Variants in MAST4 observed in about 807,000 individuals in gnomAD.
MAST4 encodes the protein microtubule associated serine/threonine kinase family member 4, also known as microtubule-associated serine/threonine-protein kinase 4.
Under a neutral mutation model 162.7 loss-of-function variants are expected in MAST4, and 89 were observed. The ratio of observed to expected loss-of-function variants is 0.55; its 90% CI spans 0.46 to 0.65. MAST4 has a LOEUF of 0.65. Ranked by LOEUF, MAST4 falls within the 30% of genes least tolerant of loss-of-function variation. The probability of loss-of-function intolerance (pLI) is 0.00; values close to 1 mark genes in which losing one functional copy is unlikely to be tolerated. For missense variants in MAST4, 3,153 were observed against 3,374.0 expected (o/e 0.93, Z 1.62); for synonymous variants, 1,479 against 1,361.1 (o/e 1.09, Z -1.91).
intron 2 of MAST4, among the ~76,000 whole-genome samples, chr5:66,773,000 A>C (rs560957469): frequency 6.6e-6 from 1 of 152,278 alleles, no homozygotes; most frequent in African/African-American, 2.4e-5. Flanking sequence ...CTTTGCCTCT[A>C]TCAGAGCTGC....
intron 3 of MAST4, among the ~76,000 whole-genome samples, chr5:66,889,098 A>G (rs1762217262): frequency 6.6e-6 from 1 of 152,236 alleles, no homozygotes; most frequent in African/African-American, 2.4e-5. Flanking sequence ...TGGACCCAAC[A>G]ATAAGCAATA....
Position 67,145,257 on chromosome 5 carries a change from C to G in MAST4, c.2972C>G (p.Ala991Gly), listed in dbSNP as rs767103845. 1.9e-6 allele frequency: 3 copies of G among 1,613,804 alleles called. No individual in the cohort carries two copies. The African/African-American group carries it at 4.0e-5, about 22-fold the overall frequency. Reference protein sequence around the residue: ...ISTEGEQDEAASCPGDPHEEP... With the variant: ...ISTEGEQDEAGSCPGDPHEEP... The stretch of plus-strand genomic sequence containing the variant: ...ACAGAGGGAGAGCAAGATGAAGCTG[C>G]CTCCTGCCCTGGAGACCCCCATGAG... Residue 991 changes from alanine (A) to glycine (G), a missense_variant, in exon 23 of 29, where the codon GCC becomes GGC. This residue lies in a region of MAST4 where 619 missense variants were observed against 744.2 expected (regional missense o/e 0.83). Transcript: ENST00000403625.
At chr5:66,889,732 C>A (rs149771406) in intron 3 of MAST4, among the ~76,000 whole-genome samples, 1 of 152,308 alleles carries the variant, frequency 6.6e-6, no homozygotes, top group Non-Finnish European at 1.5e-5. Flanking sequence ...ATAGTCATAG[C>A]TAACACGAAG....
At chr5:66,880,431 C>A (rs1367874681) in intron 3 of MAST4, among the ~76,000 whole-genome samples, 1 of 152,082 alleles carries the variant, frequency 6.6e-6, no homozygotes, top group Non-Finnish European at 1.5e-5. Flanking sequence ...AATATATTAA[C>A]CATTCCAAAA....
Position 67,165,595 on chromosome 5 carries a change from C to G in MAST4, c.6416C>G (p.Thr2139Arg). 4 of 1,613,742 alleles carry G rather than the reference C, an allele frequency of 2.5e-6. No homozygotes were observed. The highest frequency in any genetic ancestry group is 2.5e-6 in the Non-Finnish European group (3 of 1,179,786). Residue 2139 changes from threonine to arginine, a missense_variant, in exon 29 of 29, where the codon ACG becomes AGG. Thr to Arg is a moderately conservative substitution (Grantham distance 71). Transcript: ENST00000403625. ...HPSSIPPPPL[T>R]AKDLSSPAAR... is the part of the protein sequence containing the mutation. ...AGCAGCATCCCTCCGCCCCCTCTGA[C>G]GGCCAAAGACCTGTCCAGCCCGGCT...
chr5:67,153,721 A>T, intron 26 of MAST4, 141 bp downstream of exon 26: 1 of 792,888 alleles, frequency 1.3e-6, no homozygotes, highest in Non-Finnish European at 1.8e-6. Flanking sequence ...AAAGACAAAG[A>T]TATTATGAAT....
intron 3 of MAST4, among the ~76,000 whole-genome samples, chr5:66,817,958 A>T (rs955832910): frequency 1.3e-5 from 2 of 152,204 alleles, no homozygotes; most frequent in African/African-American, 2.4e-5. Context: ...CAACTTCCAG[A>T]AGGATCAAAC....
intron 1 of MAST4, among the ~76,000 whole-genome samples, chr5:66,751,009 C>T (rs1753122787): frequency 6.6e-6 from 1 of 152,192 alleles, no homozygotes; most frequent in African/African-American, 2.4e-5. Context: ...AGCAGCCTAA[C>T]TGGGAGGCAC....
chr5:67,163,563 T>C lies in MAST4; in HGVS notation c.4384T>C (p.Cys1462Arg). 1 of 1,595,496 alleles carries C rather than the reference T, an allele frequency of 6.3e-7. No homozygotes were observed. Among genetic ancestry groups the C allele is most frequent in the Non-Finnish European group, 8.5e-7 (1 of 1,171,578 alleles). Residue 1462 changes from cysteine to arginine, a missense_variant, in exon 29 of 29, where the codon TGC becomes CGC. Physicochemically the swap from Cys to Arg is radical, Grantham distance 180. Coordinates refer to ENST00000403625, the MANE Select transcript of MAST4 (RefSeq NM_001164664.2). This position sits in a 1 kb window ranked among gnomAD's most constrained non-coding sequence, Gnocchi z 7.0. The part of the protein sequence containing the change: ...PSYGSDKKHL[C>R]SRKHSLEVTQ... ...TTACGGCAGTGACAAGAAGCACCTG[T>C]GCTCCCGCAAGCACAGCCTGGAGGT...
chr5:66,909,385 C>T (rs978990910), intron 4 of MAST4, among the ~76,000 whole-genome samples: 2 of 152,170 alleles, frequency 1.3e-5, no homozygotes, highest in Non-Finnish European at 2.9e-5. Context: ...AATCAGGACA[C>T]TCCTTGAAAT....
chr5:66,613,145 G>A (rs1232705362), intron 1 of MAST4, among the ~76,000 whole-genome samples: 1 of 152,078 alleles, frequency 6.6e-6, no homozygotes, highest in Non-Finnish European at 1.5e-5. Flanking sequence ...TGAACTCCTG[G>A]CCTCAAGCAA....
At chr5:67,145,400 C>T (rs201025163) in intron 23 of MAST4, 21 bp downstream of exon 23, 10 of 1,598,920 alleles carry the variant, frequency 6.3e-6, no homozygotes, top group Non-Finnish European at 8.6e-6. Context: ...GGCCATAGTG[C>T]CTGCTGTCCT....
At chr5:66,701,204 G>C (rs749337062) in intron 1 of MAST4, among the ~76,000 whole-genome samples, 5 of 152,148 alleles carry the variant, frequency 3.3e-5, no homozygotes, top group Non-Finnish European at 7.4e-5. Context: ...AAACTTGGCT[G>C]TTTCTCTTTA....
chr5:66,999,359 T>C (rs1489618872), intron 4 of MAST4, among the ~76,000 whole-genome samples: 1 of 152,248 alleles, frequency 6.6e-6, no homozygotes, highest in Non-Finnish European at 1.5e-5. Flanking sequence ...CTGTGTGCCA[T>C]ATATGTATTC....
chr5:66,919,290 T>C (rs1256912988), intron 4 of MAST4, among the ~76,000 whole-genome samples: 3 of 152,236 alleles, frequency 2.0e-5, no homozygotes, highest in Middle Eastern at 3.4e-3. Context: ...ATAGTCAACT[T>C]AGAGTTAAAC....
chr5:66,905,697 A>G (rs1021506681), intron 4 of MAST4, among the ~76,000 whole-genome samples: 1 of 152,156 alleles, frequency 6.6e-6, no homozygotes, highest in Non-Finnish European at 1.5e-5. Flanking sequence ...ACACCAATTG[A>G]TACATGTAAA....
At chr5:67,158,969 G>C (rs575263287) in intron 26 of MAST4, among the ~76,000 whole-genome samples, 4 of 152,234 alleles carry the variant, frequency 2.6e-5, no homozygotes, top group African/African-American at 7.2e-5. Flanking sequence ...GGGAGGTAGA[G>C]GTTGCAGTGA....
intron 5 of MAST4, among the ~76,000 whole-genome samples, chr5:67,085,331 G>T (rs1337433079): frequency 6.6e-6 from 1 of 152,110 alleles, no homozygotes; most frequent in Non-Finnish European, 1.5e-5. Flanking sequence ...TGTCTGTGCT[G>T]GTAGCCTCCT....
intron 4 of MAST4, among the ~76,000 whole-genome samples, chr5:66,981,264 A>T (rs1017953609): frequency 1.3e-5 from 2 of 152,210 alleles, no homozygotes; most frequent in Non-Finnish European, 1.5e-5. Flanking sequence ...CTATTTAATA[A>T]TGTTCTTATT....
Sources: allele counts gnomAD v4.1 joint callset (sites outside exome capture counted in the v4.1 genomes callset), GRCh38; gene constraint gnomAD v4.1.1; regional missense constraint gnomAD v4.1.1; non-coding constraint Gnocchi (gnomAD v3.1); transcripts MANE v1.5; gene names NCBI Gene and HGNC (gene_info 2026-07-23, HGNC 2026-07-21).